The following RBFOX1 variants were observed in gnomAD, a reference collection of about 807,000 sequenced individuals.
RBFOX1 encodes RNA binding protein fox-1 homolog 1.
In RBFOX1, 8 loss-of-function variants were observed where a neutral mutation model predicts 57.7. The ratio of observed to expected loss-of-function variants is 0.14; its 90% CI spans 0.08 to 0.25. The LOEUF (loss-of-function observed/expected upper bound fraction) is 0.25. Ranked by LOEUF, RBFOX1 falls within the 10% of genes least tolerant of loss-of-function variation. The pLI, the probability that RBFOX1 is intolerant of heterozygous loss-of-function variation, is 1.00. For synonymous variants in RBFOX1, 326 were observed against 222.4 expected (o/e 1.47, Z -4.15); for missense variants, 611 against 548.5 (o/e 1.11, Z -1.14).
At chr16:5,908,197 C>CAT (rs71404562) in intron 4 of RBFOX1, among the ~76,000 whole-genome samples, 13,795 of 110,246 alleles carry the variant, frequency 0.13, 636 homozygotes, top group South Asian at 0.25. Context: ...CACATATATA[C>CAT]ATATACACAC....
In RBFOX1 at chr16:7,482,643, G is replaced by C. The variant is rs368775482; in HGVS notation, c.28-35504G>C. ...ATCTGCTTTCCAAGAGAACCCAGGA[G>C]GAAGAAGATGCTGTGACAGGCATTT... On this transcript the variant is annotated intron_variant, in intron 4 of 15. Transcript: ENST00000550418. Among the ~76,000 whole-genome samples, 25 of 149,096 alleles carry C rather than the reference G, an allele frequency of 1.7e-4. No individual in the cohort carries two copies. The East Asian group carries it at 4.4e-3, about 26-fold the overall frequency.
intron 2 of RBFOX1, among the ~76,000 whole-genome samples, chr16:5,597,134 G>C (rs928769512): frequency 3.9e-5 from 6 of 152,156 alleles, no homozygotes. Flanking sequence ...GGCTGGTACA[G>C]GAAAGAGTAG....
intron 3 of RBFOX1, among the ~76,000 whole-genome samples, chr16:7,031,599 TA>T (rs139080406): frequency 2.1e-5 from 3 of 145,310 alleles, no homozygotes; most frequent in East Asian, 2.0e-4. Context: ...AGACCCTGCC[TA>T]AAAAAAAAAG....
intron 4 of RBFOX1, among the ~76,000 whole-genome samples, chr16:7,419,054 G>A (rs116553891): frequency 0.015 from 2,261 of 152,052 alleles, 68 homozygotes; most frequent in African/African-American, 0.052. Context: ...ACAGGTGTTC[G>A]TCACCACGCC....
At chr16:5,379,299 G>GT (rs965610472) in intron 1 of RBFOX1, among the ~76,000 whole-genome samples, 16 of 151,052 alleles carry the variant, frequency 1.1e-4, no homozygotes, top group East Asian at 1.9e-4. Flanking sequence ...AGTTTTTATC[G>GT]TTTTTTTTCT....
chr16:5,779,770 G>A (rs1333968905), intron 3 of RBFOX1, among the ~76,000 whole-genome samples: 1 of 152,162 alleles, frequency 6.6e-6, no homozygotes, highest in Non-Finnish European at 1.5e-5. Context: ...CTGATAATGA[G>A]GTGTTGCGGC....
At chr16:6,745,337 T>A (rs7190421) in intron 3 of RBFOX1, among the ~76,000 whole-genome samples, 8,385 of 151,786 alleles carry the variant, frequency 0.055, 371 homozygotes, top group South Asian at 0.21. Context: ...CAGGAAAAAA[T>A]TCACAAGAAA....
chr16:5,671,435 C>T (rs1205964115), intron 3 of RBFOX1, among the ~76,000 whole-genome samples: 2 of 152,202 alleles, frequency 1.3e-5, no homozygotes, highest in African/African-American at 4.8e-5. Context: ...TGGAGATTAA[C>T]ACTGATGTTA....
intron 3 of RBFOX1, among the ~76,000 whole-genome samples, chr16:5,615,250 C>T (rs2047979108): frequency 6.6e-6 from 1 of 152,144 alleles, no homozygotes; most frequent in Non-Finnish European, 1.5e-5. Context: ...AGGCTTGTCT[C>T]TAATTCCTGG....
chr16:6,535,854 A>G (rs1160817388), intron 2 of RBFOX1, among the ~76,000 whole-genome samples: 1 of 152,180 alleles, frequency 6.6e-6, no homozygotes, highest in Non-Finnish European at 1.5e-5. Context: ...TTTTCTCAAT[A>G]GTGGCAATGT....
intron 4 of RBFOX1, among the ~76,000 whole-genome samples, chr16:5,894,159 C>G (rs554797849): frequency 6.6e-6 from 1 of 152,260 alleles, no homozygotes; most frequent in East Asian, 1.9e-4. Context: ...AATTCTGGAG[C>G]TCTATTTTCC....
At chr16:5,649,574 C>G (rs1340905170) in intron 3 of RBFOX1, among the ~76,000 whole-genome samples, 1 of 152,234 alleles carries the variant, frequency 6.6e-6, no homozygotes, top group African/African-American at 2.4e-5. Flanking sequence ...CATAGCTAAG[C>G]TCATCCCATC....
intron 2 of RBFOX1, among the ~76,000 whole-genome samples, chr16:6,413,613 A>G (rs867870474): frequency 6.6e-6 from 1 of 152,232 alleles, no homozygotes; most frequent in African/African-American, 2.4e-5. Context: ...AGAAAGAAAG[A>G]AAGAAAAAAG....
At chr16:7,495,365 C>G (rs774537207) in intron 4 of RBFOX1, among the ~76,000 whole-genome samples, 64 of 152,212 alleles carry the variant, frequency 4.2e-4, no homozygotes, top group Non-Finnish European at 2.6e-4. Flanking sequence ...AAGAGTAGCT[C>G]TGTTTTAAGT....
At chr16:7,620,771 G>C (rs1405754185) in intron 10 of RBFOX1, among the ~76,000 whole-genome samples, 2 of 152,186 alleles carry the variant, frequency 1.3e-5, no homozygotes, top group East Asian at 3.9e-4. Context: ...AGCTTTGAGA[G>C]AGAGTGTCTG....
intron 1 of RBFOX1, among the ~76,000 whole-genome samples, chr16:5,283,050 G>A (rs1309870482): frequency 6.6e-6 from 1 of 152,196 alleles, no homozygotes; most frequent in Non-Finnish European, 1.5e-5. Flanking sequence ...AGCCACTCCA[G>A]CTGCAGCTAA....
At chr16:5,441,363 GTTTT>G (rs34446326) in intron 1 of RBFOX1, among the ~76,000 whole-genome samples, 3 of 111,724 alleles carry the variant, frequency 2.7e-5, no homozygotes, top group Non-Finnish European at 5.4e-5. Flanking sequence ...AGGAAAGAGG[GTTTT>G]TTTTTTTTTT....
In RBFOX1 at chr16:5,259,334, C is replaced by G. The variant is rs571333540; in HGVS notation, c.219+19229C>G. On this transcript the variant is annotated intron_variant, in intron 1 of 2. Transcript: ENST00000585867. ...TGATGATTAGGGGCTCAGCTAGGAC[C>G]TATGTTTGCAAAAGCTCCCAGCTGA... Among the ~76,000 whole-genome samples the G allele has an allele frequency of 2.0e-4, 30 of 152,262 alleles. 1 individual carries two copies. The South Asian group carries it at 6.0e-3, about 31-fold the overall frequency.
intron 4 of RBFOX1, among the ~76,000 whole-genome samples, chr16:7,268,751 C>T (rs928762978): frequency 1.1e-4 from 17 of 151,996 alleles, no homozygotes; most frequent in Non-Finnish European, 1.8e-4. Flanking sequence ...GAATCCATCT[C>T]GGCTGGGCAC....
Sources: gnomAD v4.1 joint callset for allele counts (sites outside exome capture counted in the v4.1 genomes callset) on GRCh38, gnomAD v4.1.1 for gene constraint, MANE v1.5 for transcripts, NCBI Gene and HGNC (gene_info 2026-07-23, HGNC 2026-07-21) for gene names.